TTC23: variants seen among roughly 807,000 people sequenced by gnomAD.
The protein encoded by TTC23 is tetratricopeptide repeat protein 23.
TTC23 carries 58 observed loss-of-function variants against 55.1 expected under a neutral mutation model. The ratio of observed to expected loss-of-function variants is 1.05; its 90% CI spans 0.85 to 1.31. TTC23 has a LOEUF of 1.31. TTC23 is among the 50% of genes most tolerant of loss of function. The pLI is 0.00. For synonymous variants in TTC23, 203 were observed against 199.9 expected (o/e 1.02, Z -0.13); for missense variants, 516 against 534.4 (o/e 0.97, Z 0.34).
intron 8 of TTC23, among the ~76,000 whole-genome samples, chr15:99,207,946 C>T (rs550225120): frequency 2.0e-5 from 3 of 152,214 alleles, no homozygotes; most frequent in South Asian, 2.1e-4. Flanking sequence ...TAAACAATTC[C>T]ACTCCTGGGA....
At chr15:99,221,068 C>G (rs528199932) in intron 6 of TTC23, among the ~76,000 whole-genome samples, 45 of 152,314 alleles carry the variant, frequency 3.0e-4, no homozygotes, top group African/African-American at 1.1e-3. Context: ...GAACCCTTCC[C>G]AAATCCCGGG....
At position 99,187,452 on chromosome 15, in the gene TTC23, C is replaced by CAAAAAAAAAAAAAAAAAAAAAAAAA. The variant is rs66568931; in HGVS notation, c.760-12298_760-12297insTTTTTTTTTTTTTTTTTTTTTTTTT. On this transcript the variant is annotated intron_variant, in intron 9 of 13. Coordinates refer to ENST00000394132, the MANE Select transcript of TTC23 (RefSeq NM_001288615.3). ...GGAGATGTGATGCCAAAAGCACAAG[C>CAAAAAAAAAAAAAAAAAAAAAAAAA]AAAAAAAAAAAAAAAACAAAACAAA... 4.0e-4 allele frequency among the ~76,000 whole-genome samples: 18 copies of CAAAAAAAAAAAAAAAAAAAAAAAAA among 44,470 alleles called. 2 individuals carry two copies. The highest frequency in any genetic ancestry group is 8.8e-4 in the African/African-American group (9 of 10,186). 29.2% of individuals were successfully genotyped at this position (44,470 alleles called of 152,430 possible).
intron 5 of TTC23, among the ~76,000 whole-genome samples, chr15:99,227,888 C>T (rs1306126736): frequency 1.3e-5 from 2 of 152,196 alleles, no homozygotes; most frequent in African/African-American, 2.4e-5. Flanking sequence ...TGTCCCTCTA[C>T]CACCTCCAGG....
rs62023640 is a variant in TTC23 at position 99,137,468 on chromosome 15, T to C, written c.*542A>G. 12,029 of 152,510 alleles carry C rather than the reference T, an allele frequency of 0.079. 492 individuals carry two copies. Among genetic ancestry groups the C allele is most frequent in the African/African-American group, 0.093 (3,863 of 41,570 alleles). The allele number at this position is 152,510 out of a possible 1,614,324, so 9.4% of individuals were successfully genotyped here. ...CCTGCCCCTCCTACTGGGCTCTTTC[T>C]CAAACCCCTTTTCAGGCTCCGAAGA... On this transcript the variant is annotated 3_prime_UTR_variant, in exon 14 of 14. Transcript: ENST00000394132.
intron 9 of TTC23, among the ~76,000 whole-genome samples, chr15:99,182,780 T>G (rs1426247222): frequency 2.0e-5 from 3 of 151,864 alleles, no homozygotes; most frequent in Non-Finnish European, 4.4e-5. Context: ...GCTTGATTTT[T>G]AAAAAACAAA....
intron 3 of TTC23, among the ~76,000 whole-genome samples, chr15:99,236,647 C>G (rs2079341994): frequency 6.6e-6 from 1 of 152,104 alleles, no homozygotes; most frequent in Non-Finnish European, 1.5e-5. Flanking sequence ...CTTGGCTTCC[C>G]AAAGTGCTGG....
At chr15:99,203,081 C>A (rs923959850) in intron 8 of TTC23, among the ~76,000 whole-genome samples, 2 of 152,076 alleles carry the variant, frequency 1.3e-5, no homozygotes, top group Non-Finnish European at 2.9e-5. Context: ...CACCCCAACA[C>A]CAACCACATA....
intron 1 of TTC23, among the ~76,000 whole-genome samples, chr15:99,246,057 G>A (rs138845277): frequency 3.3e-5 from 5 of 151,826 alleles, no homozygotes; most frequent in Admixed American, 2.6e-4. Flanking sequence ...TGATCCACCC[G>A]ACTTGGCCTC....
chr15:99,138,258 G>A (rs2067770888), intron 13 of TTC23, 131 bp from the exon 14 acceptor site: 3 of 1,065,022 alleles, frequency 2.8e-6, no homozygotes, highest in East Asian at 4.9e-5. Context: ...ATAAATGAGA[G>A]GAGAATTGTA....
intron 12 of TTC23, among the ~76,000 whole-genome samples, chr15:99,143,957 C>T (rs1181053185): frequency 2.6e-5 from 4 of 152,144 alleles, no homozygotes; most frequent in Non-Finnish European, 5.9e-5. Context: ...ACAGTTGGAC[C>T]CTAGGGCTCC....
At chr15:99,160,623 A>G (rs907449241) in intron 11 of TTC23, 13 of 152,168 alleles carry the variant, frequency 8.5e-5, no homozygotes, top group African/African-American at 3.1e-4. Context: ...CCCCACAGAT[A>G]CTGAGGAACA....
At chr15:99,246,891 C>T (rs887901497) in intron 1 of TTC23, among the ~76,000 whole-genome samples, 2 of 152,122 alleles carry the variant, frequency 1.3e-5, no homozygotes, top group African/African-American at 4.8e-5. Flanking sequence ...CTCTGCACTC[C>T]AGCCTGAGCG....
intron 10 of TTC23, among the ~76,000 whole-genome samples, chr15:99,167,990 G>GACTTA (rs2072369917): frequency 6.6e-6 from 1 of 152,194 alleles, no homozygotes; most frequent in Non-Finnish European, 1.5e-5. Context: ...ACCCTGCTGG[G>GACTTA]GGCTGCTGTT....
chr15:99,180,691 T>A (rs549496933), intron 9 of TTC23, among the ~76,000 whole-genome samples: 38 of 152,266 alleles, frequency 2.5e-4, no homozygotes, highest in African/African-American at 8.2e-4. Context: ...CTCTTGGGGA[T>A]GGGGTGGGTC....
intron 10 of TTC23, among the ~76,000 whole-genome samples, chr15:99,171,429 G>C (rs1328235526): frequency 6.6e-6 from 1 of 152,018 alleles, no homozygotes; most frequent in African/African-American, 2.4e-5. Flanking sequence ...TGCCTCCGAG[G>C]GTTGTTAAAA....
intron 4 of TTC23, among the ~76,000 whole-genome samples, chr15:99,232,044 G>C (rs1402786276): frequency 2.1e-5 from 3 of 142,278 alleles, no homozygotes; most frequent in African/African-American, 7.8e-5. Flanking sequence ...CACCCGCCTT[G>C]GCCGCCCAAA....
At chr15:99,250,500 T>C (rs1344674663), upstream of TTC23, among the ~76,000 whole-genome samples, 1 of 152,178 alleles carries the variant, frequency 6.6e-6, no homozygotes, top group Non-Finnish European at 1.5e-5. Flanking sequence ...ACAAAAAATA[T>C]CAGCGGTTGT....
intron 3 of TTC23, among the ~76,000 whole-genome samples, chr15:99,237,862 C>A (rs2079450493): frequency 6.6e-6 from 1 of 152,172 alleles, no homozygotes; most frequent in Non-Finnish European, 1.5e-5. Context: ...ATAGACCAGG[C>A]TTTCAGAGAT....
At position 99,156,196 on chromosome 15, in the gene TTC23, T is replaced by G. The variant is rs138499311; in HGVS notation, c.1095A>C (p.Ala365=). 7 of 1,614,250 alleles carry G rather than the reference T, an allele frequency of 4.3e-6. No individual in the cohort carries two copies. The highest frequency in any genetic ancestry group is 5.9e-6 in the Non-Finnish European group (7 of 1,180,042). Residue 365 remains alanine (A), a synonymous_variant, in exon 12 of 14, where the codon GCA becomes GCC. Coordinates refer to ENST00000394132, the MANE Select transcript of TTC23 (RefSeq NM_001288615.3). The part of the protein sequence containing the change: ...VAETYRLLGG[A]DLAQGNHSGA... ...CACTGTGGTTCCCCTGCGCCAGGTCTGCTCCTCCCAGGAGCCGGTATGTCT... is the reference window on the plus strand; with the variant it reads ...CACTGTGGTTCCCCTGCGCCAGGTCGGCTCCTCCCAGGAGCCGGTATGTCT...
Sources: allele counts gnomAD v4.1 joint callset (sites outside exome capture counted in the v4.1 genomes callset), GRCh38; gene constraint gnomAD v4.1.1; transcripts MANE v1.5; gene names NCBI Gene and HGNC (gene_info 2026-07-23, HGNC 2026-07-21).